The following ATAD1 variants were observed in gnomAD, a reference collection of about 807,000 sequenced individuals.
ATAD1 encodes outer mitochondrial transmembrane helix translocase.
Under a neutral mutation model 42.7 loss-of-function variants are expected in ATAD1, and 18 were observed. The ratio of observed to expected loss-of-function variants is 0.42; its 90% CI spans 0.29 to 0.63. The LOEUF is 0.63. Ranked by LOEUF, ATAD1 falls within the 20% of genes least tolerant of loss-of-function variation. ATAD1 has a pLI of 0.19. For missense variants in ATAD1, 294 were observed against 440.4 expected, an observed-to-expected ratio of 0.67 and a Z score of 2.98; for synonymous variants, 132 against 143.1, an observed-to-expected ratio of 0.92 and a Z score of 0.55.
At chr10:87,757,520 T>C (rs1457516677) in intron 8 of ATAD1, among the ~76,000 whole-genome samples, 1 of 152,184 alleles carries the variant, frequency 6.6e-6, no homozygotes, top group Non-Finnish European at 1.5e-5. Flanking sequence ...AAATGATTCT[T>C]ATGTCTCATT....
chr10:87,819,142 G>C (rs1481345752), upstream of ATAD1: 1 of 152,066 alleles, frequency 6.6e-6, no homozygotes, highest in African/African-American at 2.4e-5. Context: ...GAATTCTGCA[G>C]CTTGGCCAGC....
chr10:87,788,841 A>C (rs1589512013), intron 4 of ATAD1, among the ~76,000 whole-genome samples: 1 of 152,224 alleles, frequency 6.6e-6, no homozygotes, highest in Admixed American at 6.5e-5. Flanking sequence ...ATAGCCATAC[A>C]TTTTTGATCT....
intron 2 of ATAD1, 99 bp from the exon 3 acceptor site, chr10:87,792,854 G>A: frequency 1.2e-6 from 1 of 851,204 alleles, no homozygotes; most frequent in East Asian, 2.6e-5. Flanking sequence ...TGAACAGATA[G>A]ATATACAAGA....
intron 1 of ATAD1, among the ~76,000 whole-genome samples, chr10:87,838,648 T>A (rs1857972174): frequency 1.3e-5 from 2 of 151,894 alleles, no homozygotes; most frequent in South Asian, 4.2e-4. Flanking sequence ...CTTTGAGAGG[T>A]AATTAGGATT....
intron 2 of ATAD1, among the ~76,000 whole-genome samples, chr10:87,811,206 T>C (rs1857162645): frequency 6.6e-6 from 1 of 152,096 alleles, no homozygotes; most frequent in Middle Eastern, 3.4e-3. Context: ...GGTTGCACAC[T>C]TCTGTAATCC....
At chr10:87,840,971 G>A (rs1024572754) in intron 1 of ATAD1, among the ~76,000 whole-genome samples, 3 of 152,158 alleles carry the variant, frequency 2.0e-5, no homozygotes, top group African/African-American at 4.8e-5. Flanking sequence ...GAGCTTATGA[G>A]TACTTAACTG....
At chr10:87,759,664 C>T (rs886353278) in intron 8 of ATAD1, 1 of 402,060 alleles carries the variant, frequency 2.5e-6, no homozygotes, top group Admixed American at 3.0e-5. Context: ...AGATTCCAGT[C>T]ACTGGGGGAG....
intron 8 of ATAD1, 54 bp downstream of exon 8, chr10:87,767,619 C>G: frequency 1.4e-6 from 2 of 1,474,768 alleles, no homozygotes; most frequent in Non-Finnish European, 1.9e-6. Context: ...TCTAAAATAA[C>G]TTTATGAACA....
At chr10:87,794,026 A>G (rs776223022) in intron 2 of ATAD1, among the ~76,000 whole-genome samples, 1 of 152,064 alleles carries the variant, frequency 6.6e-6, no homozygotes, top group African/African-American at 2.4e-5. Context: ...GGAGTTCGAG[A>G]CCAGCCTGGG....
At chr10:87,797,324 G>GA (rs56928396) in intron 2 of ATAD1, among the ~76,000 whole-genome samples, 39,570 of 150,266 alleles carry the variant, frequency 0.26, 5,508 homozygotes, top group Middle Eastern at 0.31. Context: ...AAAGAGGAAA[G>GA]AAAAAAAAAC....
intron 2 of ATAD1, among the ~76,000 whole-genome samples, chr10:87,806,733 T>G (rs945007227): frequency 2.0e-5 from 3 of 152,130 alleles, no homozygotes; most frequent in Non-Finnish European, 4.4e-5. Flanking sequence ...TTATTTTGAG[T>G]TGAGGGAAAT....
At position 87,751,549 on chromosome 10, in the gene ATAD1, T is replaced by A. The variant is rs1854024402; in HGVS notation, c.*3138A>T. The A allele has an allele frequency of 6.6e-6, 1 of 152,192 alleles. No homozygotes were observed. The highest frequency in any genetic ancestry group is 1.5e-5 in the Non-Finnish European group (1 of 68,026). 9.4% of individuals were successfully genotyped at this position (152,192 alleles called of 1,614,324 possible). On this transcript the variant is annotated 3_prime_UTR_variant, in exon 10 of 10. Transcript: ENST00000680024. Reference sequence around the variant, plus strand: ...CTCATATTTAATAAGGTTCAAGTTCTCCTCAATATGATTTTCATTAACATC... The same window carrying A: ...CTCATATTTAATAAGGTTCAAGTTCACCTCAATATGATTTTCATTAACATC...
chr10:87,792,631 T>TAAAAAAA, intron 3 of ATAD1, 26 bp downstream of exon 3: 3 of 616,686 alleles, frequency 4.9e-6, no homozygotes, highest in Non-Finnish European at 8.5e-6. Flanking sequence ...TCTAAAAAAA[T>TAAAAAAA]CTTAAATAAG....
intron 8 of ATAD1, chr10:87,759,829 A>G (rs994534689): frequency 1.1e-4 from 48 of 452,310 alleles, no homozygotes; most frequent in Admixed American, 4.5e-4. Flanking sequence ...ATAAATGAGG[A>G]TTAAATAAAA....
intron 2 of ATAD1, among the ~76,000 whole-genome samples, chr10:87,811,808 C>T (rs1857197250): frequency 6.6e-6 from 1 of 152,142 alleles, no homozygotes; most frequent in Non-Finnish European, 1.5e-5. Flanking sequence ...AGACCTGCAA[C>T]TTCAATTGCT....
chr10:87,764,574 A>G lies in ATAD1; in HGVS notation c.831+3099T>C, dbSNP rs141296848. Among the ~76,000 whole-genome samples the G allele has an allele frequency of 4.5e-3, 682 of 152,344 alleles. 2 individuals are homozygous for G. The highest frequency in any genetic ancestry group is 0.041 in the Middle Eastern group (12 of 294). Reference sequence around the variant, plus strand: ...CATCTATCTAAATTCCAAATATGATAAAGATTTAAATGTAAAACGTACAAG... The same window carrying G: ...CATCTATCTAAATTCCAAATATGATGAAGATTTAAATGTAAAACGTACAAG... On this transcript the variant is annotated intron_variant, in intron 8 of 9. Transcript: ENST00000680024.
At chr10:87,789,743 AAAG>A (rs1856006354) in intron 4 of ATAD1, among the ~76,000 whole-genome samples, 1 of 152,078 alleles carries the variant, frequency 6.6e-6, no homozygotes, top group Non-Finnish European at 1.5e-5. Context: ...AAAAGAGAGA[AAAG>A]AAAAAAAAAG....
chr10:87,838,461 CAAAAAAA>C (rs770282016), intron 1 of ATAD1, among the ~76,000 whole-genome samples: 3 of 42,628 alleles, frequency 7.0e-5, no homozygotes, highest in Non-Finnish European at 1.3e-4. Flanking sequence ...GACTCTATCT[CAAAAAAA>C]AAAAAAAAAA....
At chr10:87,790,529 T>C (rs1208840103) in intron 3 of ATAD1, 99 bp from the exon 4 acceptor site, 2 of 1,230,728 alleles carry the variant, frequency 1.6e-6, no homozygotes, top group African/African-American at 3.1e-5. Flanking sequence ...CTGATGATTA[T>C]ACATAAATAA....
Sources: allele counts gnomAD v4.1 joint callset (sites outside exome capture counted in the v4.1 genomes callset), GRCh38; gene constraint gnomAD v4.1.1; transcripts MANE v1.5; gene names NCBI Gene and HGNC (gene_info 2026-07-23, HGNC 2026-07-21).